Variants in PRKAR1B observed in about 807,000 individuals in gnomAD.
The protein encoded by PRKAR1B is protein kinase cAMP-dependent type I regulatory subunit beta.
In PRKAR1B, 22 loss-of-function variants were observed where a neutral mutation model predicts 46.5. The observed-to-expected ratio is 0.47, with a 90% CI of 0.34 to 0.68. The LOEUF is 0.68. PRKAR1B is among the 30% of genes least tolerant of loss of function. The pLI, the probability that PRKAR1B is intolerant of heterozygous loss-of-function variation, is 0.01. For synonymous variants in PRKAR1B, 259 were observed against 217.7 expected (o/e 1.19, Z -1.67); for missense variants, 445 against 535.6 (o/e 0.83, Z 1.67).
At chr7:694,722 C>T (rs933594105) in intron 2 of PRKAR1B, among the ~76,000 whole-genome samples, 1 of 152,110 alleles carries the variant, frequency 6.6e-6, no homozygotes, top group African/African-American at 2.4e-5. Context: ...CTCAGAGACA[C>T]AGTGCCAGGT....
chr7:647,170 C>T (rs1475931788), intron 4 of PRKAR1B, among the ~76,000 whole-genome samples: 1 of 152,206 alleles, frequency 6.6e-6, no homozygotes, highest in Non-Finnish European at 1.5e-5. Context: ...TGCCTGCCCA[C>T]CTCCTCCGGG....
Position 649,256 on chromosome 7 carries a change from T to C in PRKAR1B, c.440+27973A>G, listed in dbSNP as rs560848516. Among the ~76,000 whole-genome samples, 10 of 152,362 alleles carry C rather than the reference T, an allele frequency of 6.6e-5. No individual in the cohort carries two copies. In the East Asian group the frequency reaches 1.9e-3, roughly 29 times the overall value. On this transcript the variant is annotated intron_variant, in intron 4 of 10. Coordinates refer to ENST00000537384, the MANE Select transcript of PRKAR1B (RefSeq NM_001164760.2). ...CCTCGAATGAGTATTTCTAGCCCAT[T>C]TCCCACAGAATTTATCCCAATGTAA... is the stretch of plus-strand genomic sequence containing the variant.
chr7:566,040 T>C (rs781226662), intron 9 of PRKAR1B, among the ~76,000 whole-genome samples: 4 of 152,196 alleles, frequency 2.6e-5, no homozygotes, highest in Non-Finnish European at 4.4e-5. Context: ...GGGAGGATAA[T>C]GGTCATTACC....
At chr7:723,751 C>T (rs1409942139) in intron 1 of PRKAR1B, among the ~76,000 whole-genome samples, 1 of 152,154 alleles carries the variant, frequency 6.6e-6, no homozygotes, top group African/African-American at 2.4e-5. Flanking sequence ...AGGACAGAGG[C>T]CCCCATGGCC....
chr7:596,339 C>T, intron 6 of PRKAR1B, 35 bp from the exon 7 acceptor site: 2 of 1,584,730 alleles, frequency 1.3e-6, no homozygotes, highest in Non-Finnish European at 1.7e-6. Flanking sequence ...GTCACGGGGG[C>T]CAGGCAGGGT....
chr7:587,094 C>G (rs1357834632), intron 7 of PRKAR1B, among the ~76,000 whole-genome samples: 1 of 151,964 alleles, frequency 6.6e-6, no homozygotes, highest in Non-Finnish European at 1.5e-5. Flanking sequence ...ACTGTGTTAA[C>G]CAGGAATTTA....
intron 2 of PRKAR1B, among the ~76,000 whole-genome samples, chr7:691,257 G>A (rs1425304751): frequency 2.6e-5 from 4 of 151,742 alleles, no homozygotes; most frequent in East Asian, 2.0e-4. Flanking sequence ...AGGGTCCCGC[G>A]CCCACCCAAA....
chr7:702,149 T>A (rs1780095318), intron 2 of PRKAR1B, among the ~76,000 whole-genome samples: 1 of 152,158 alleles, frequency 6.6e-6, no homozygotes, highest in Non-Finnish European at 1.5e-5. Context: ...ATGTTTTACT[T>A]GAAATGGTAA....
At chr7:673,516 G>A (rs1786405693) in intron 4 of PRKAR1B, among the ~76,000 whole-genome samples, 2 of 151,922 alleles carry the variant, frequency 1.3e-5, no homozygotes, top group African/African-American at 4.8e-5. Flanking sequence ...AGGCATGGTG[G>A]CGGGCGCCTG....
chr7:718,604 G>A (rs6958486), intron 1 of PRKAR1B, among the ~76,000 whole-genome samples: 26,162 of 151,772 alleles, frequency 0.17, 2,494 homozygotes, highest in East Asian at 0.29. Context: ...TGATCCACCC[G>A]CCTCAGCCTC....
chr7:724,340 G>A (rs573836803), intron 1 of PRKAR1B, among the ~76,000 whole-genome samples: 2 of 152,172 alleles, frequency 1.3e-5, no homozygotes. Flanking sequence ...CTGAATAATG[G>A]GGGCAGGTCT....
intron 9 of PRKAR1B, among the ~76,000 whole-genome samples, chr7:556,915 CTGAAGA>C (rs2128422272): frequency 6.6e-6 from 1 of 152,340 alleles, no homozygotes; most frequent in Non-Finnish European, 1.5e-5. Flanking sequence ...TCCCAGGGTA[CTGAAGA>C]GTCCCCGTGC....
At chr7:664,750 A>G (rs896505380) in intron 4 of PRKAR1B, among the ~76,000 whole-genome samples, 12 of 151,296 alleles carry the variant, frequency 7.9e-5, no homozygotes, top group Admixed American at 7.3e-4. Context: ...TCTCTACAAA[A>G]ACTAAAAAAA....
At chr7:555,765 C>T (rs1778388296) in intron 9 of PRKAR1B, among the ~76,000 whole-genome samples, 1 of 152,224 alleles carries the variant, frequency 6.6e-6, no homozygotes, top group South Asian at 2.1e-4. Context: ...CCGCTGCCTC[C>T]ACAAGCAGAT....
At chr7:558,092 C>T (rs987951923) in intron 9 of PRKAR1B, among the ~76,000 whole-genome samples, 5 of 150,380 alleles carry the variant, frequency 3.3e-5, no homozygotes, top group Non-Finnish European at 5.9e-5. Flanking sequence ...GGTGGGAGGG[C>T]GGCTTGAGGC....
At position 549,717 on chromosome 7, in the gene PRKAR1B, C is replaced by G. The variant is rs77752769; in HGVS notation, c.*713G>C. 2 of 152,108 alleles carry G rather than the reference C, an allele frequency of 1.3e-5. No individual in the cohort carries two copies. Among genetic ancestry groups the G allele is most frequent in the African/African-American group, 4.8e-5 (2 of 41,334 alleles). The allele number at this position is 152,108 out of a possible 1,614,324, so 9.4% of individuals were successfully genotyped here. ...GCCCCTCCCAAAGGAACTTCGAGCCCGGCCCCCCCTACTGGGGTCTACCTG... is the reference window on the plus strand; with the variant it reads ...GCCCCTCCCAAAGGAACTTCGAGCCGGGCCCCCCCTACTGGGGTCTACCTG... On this transcript the variant is annotated 3_prime_UTR_variant, in exon 11 of 11. Transcript: ENST00000537384.
At chr7:694,950 C>T (rs1273569882) in intron 2 of PRKAR1B, among the ~76,000 whole-genome samples, 3 of 151,432 alleles carry the variant, frequency 2.0e-5, no homozygotes, top group African/African-American at 4.9e-5. Flanking sequence ...GCAGGAGAAT[C>T]GCTTGAACCC....
chr7:722,675 T>C (rs1562366215), intron 1 of PRKAR1B, among the ~76,000 whole-genome samples: 1 of 152,268 alleles, frequency 6.6e-6, no homozygotes, highest in Non-Finnish European at 1.5e-5. Flanking sequence ...CCCAGCTGGT[T>C]CTTATGACTC....
At chr7:701,255 A>G (rs1780046056) in intron 2 of PRKAR1B, among the ~76,000 whole-genome samples, 1 of 147,816 alleles carries the variant, frequency 6.8e-6, no homozygotes, top group South Asian at 2.2e-4. Flanking sequence ...GAAGGAAAGA[A>G]AGAAAGAAGG....
Sources: gnomAD v4.1 joint callset for allele counts (sites outside exome capture counted in the v4.1 genomes callset) on GRCh38, gnomAD v4.1.1 for gene constraint, MANE v1.5 for transcripts, NCBI Gene and HGNC (gene_info 2026-07-23, HGNC 2026-07-21) for gene names.